Variants in FOXN3 observed in about 807,000 individuals in gnomAD.
The protein encoded by FOXN3 is forkhead box N3.
FOXN3 carries 7 observed loss-of-function variants against 38.4 expected under a neutral mutation model. That is an observed-to-expected ratio of 0.18 (90% CI 0.10 to 0.34). FOXN3 has a LOEUF of 0.34. Ranked by LOEUF, FOXN3 falls within the 10% of genes least tolerant of loss-of-function variation. The pLI, the probability that FOXN3 is intolerant of heterozygous loss-of-function variation, is 1.00. For missense variants in FOXN3, 456 were observed against 613.4 expected (o/e 0.74, Z 2.71); for synonymous variants, 230 against 242.2 (o/e 0.95, Z 0.47).
chr14:89,469,149 G>T lies in FOXN3; in HGVS notation c.-14-56659C>A, dbSNP rs192203186. 5.3e-5 allele frequency among the ~76,000 whole-genome samples: 8 copies of T among 152,280 alleles called. No homozygotes were observed. In the East Asian group the frequency reaches 1.5e-3, roughly 29 times the overall value. ...GCAGATGAGAGAAACTGAGACCCAG[G>T]GGTCCCCTAACTGGCTTCAAGTGTG... On this transcript the variant is annotated intron_variant, in intron 1 of 6. Coordinates refer to the FOXN3 transcript ENST00000345097.
At chr14:89,489,910 T>C (rs1003017965) in intron 1 of FOXN3, among the ~76,000 whole-genome samples, 1 of 152,216 alleles carries the variant, frequency 6.6e-6, no homozygotes, top group Non-Finnish European at 1.5e-5. Context: ...CTTGCTCCTA[T>C]GTCAGCTTGG....
At chr14:89,577,482 T>TA (rs1895658217) in intron 1 of FOXN3, 1 of 152,026 alleles carries the variant, frequency 6.6e-6, no homozygotes, top group Non-Finnish European at 1.5e-5. Context: ...CATAAAGGAA[T>TA]AAAAAACCTG....
At chr14:89,489,433 T>G (rs915137651) in intron 1 of FOXN3, among the ~76,000 whole-genome samples, 1 of 152,244 alleles carries the variant, frequency 6.6e-6, no homozygotes, top group Non-Finnish European at 1.5e-5. Context: ...TTTTAAATAT[T>G]TGCAGATACA....
At chr14:89,546,235 T>C (rs1437128367) in intron 1 of FOXN3, among the ~76,000 whole-genome samples, 1 of 152,038 alleles carries the variant, frequency 6.6e-6, no homozygotes, top group Non-Finnish European at 1.5e-5. Context: ...TAGTAAATGG[T>C]TGTTTTACAG....
intron 4 of FOXN3, among the ~76,000 whole-genome samples, chr14:89,191,472 T>A (rs1887940054): frequency 6.6e-6 from 1 of 152,214 alleles, no homozygotes; most frequent in South Asian, 2.1e-4. Context: ...TTACTGCCTC[T>A]GTGTCCGCCA....
At chr14:89,506,512 G>GC (rs1419556379) in intron 1 of FOXN3, among the ~76,000 whole-genome samples, 4 of 148,906 alleles carry the variant, frequency 2.7e-5, no homozygotes, top group African/African-American at 7.5e-5. Context: ...GGGGGGGTCA[G>GC]CCCCCCGCCT....
intron 1 of FOXN3, among the ~76,000 whole-genome samples, chr14:89,468,228 C>T (rs1036349074): frequency 1.3e-5 from 2 of 151,984 alleles, no homozygotes; most frequent in South Asian, 4.2e-4. Flanking sequence ...CTGGGGCGGG[C>T]GGATCACCTG....
chr14:89,158,248 C>A lies in FOXN3; in HGVS notation c.*4166G>T, dbSNP rs1291884975. 1 of 152,292 alleles carries A rather than the reference C, an allele frequency of 6.6e-6. No homozygotes were observed. Among genetic ancestry groups the A allele is most frequent in the Non-Finnish European group, 1.5e-5 (1 of 68,098 alleles). 9.4% of individuals were successfully genotyped at this position (152,292 alleles called of 1,614,324 possible). A position where few individuals can be genotyped will look rare whatever the true frequency, so the allele number is the denominator to read the frequency against. On this transcript the variant is annotated 3_prime_UTR_variant, in exon 6 of 6. Transcript: ENST00000557258. ...AGAACTCTGAGCTGGGCACAGAAGG[C>A]CTCCACCTGGTTCTCACTCTACAGA...
chr14:89,335,077 T>TCTCACACACA (rs1404371582), intron 3 of FOXN3, among the ~76,000 whole-genome samples: 23 of 139,438 alleles, frequency 1.6e-4, no homozygotes, highest in African/African-American at 5.5e-4. Flanking sequence ...TATTTTCATA[T>TCTCACACACA]CACACACACA....
chr14:89,228,247 T>G (rs746450114), intron 4 of FOXN3, among the ~76,000 whole-genome samples: 29 of 152,352 alleles, frequency 1.9e-4, no homozygotes, highest in Non-Finnish European at 2.2e-4. Context: ...GATCTCTCAT[T>G]AGCAAAGCTC....
At chr14:89,431,463 G>A (rs944657884) in intron 1 of FOXN3, among the ~76,000 whole-genome samples, 5 of 151,962 alleles carry the variant, frequency 3.3e-5, no homozygotes, top group South Asian at 2.1e-4. Flanking sequence ...CACCCGCCTC[G>A]GCCTCCCAAA....
rs59949946 is a variant in FOXN3 at position 89,312,284 on chromosome 14, C to CAAAAAAA, written c.681-31277_681-31271dup. Among the ~76,000 whole-genome samples, 24 of 60,596 alleles carry CAAAAAAA rather than the reference C, an allele frequency of 4.0e-4. 1 individual carries two copies. The highest frequency in any genetic ancestry group is 8.3e-4 in the African/African-American group (10 of 12,082). The allele number at this position is 60,596 out of a possible 152,430, so 39.8% of individuals were successfully genotyped here. A position where few individuals can be genotyped will look rare whatever the true frequency, so the allele number is the denominator to read the frequency against. On this transcript the variant is annotated intron_variant, in intron 3 of 5. Transcript: ENST00000557258. ...TGGGTGACAGAGCAAGACTCGGTCT[C>CAAAAAAA]AAAAAAAAAAAAAAAAAGAAGCCAA...
At chr14:89,561,473 A>G (rs1456373376) in intron 1 of FOXN3, among the ~76,000 whole-genome samples, 1 of 152,228 alleles carries the variant, frequency 6.6e-6, no homozygotes, top group South Asian at 2.1e-4. Flanking sequence ...TGGCCTCCCA[A>G]AGTGCTGGGA....
intron 1 of FOXN3, among the ~76,000 whole-genome samples, chr14:89,566,687 G>A (rs1895358364): frequency 6.6e-6 from 1 of 152,170 alleles, no homozygotes; most frequent in South Asian, 2.1e-4. Flanking sequence ...ATTCACATTT[G>A]TGTGTCATAG....
chr14:89,511,198 CTTTCTTTT>C, intron 1 of FOXN3, among the ~76,000 whole-genome samples: 1 of 16,450 alleles, frequency 6.1e-5, no homozygotes, highest in Non-Finnish European at 3.1e-4. Flanking sequence ...TCTTTTCTTT[CTTTCTTTT>C]CTTTCTTTCT....
At chr14:89,476,820 A>G (rs1893221306) in intron 1 of FOXN3, among the ~76,000 whole-genome samples, 1 of 152,160 alleles carries the variant, frequency 6.6e-6, no homozygotes, top group Non-Finnish European at 1.5e-5. Flanking sequence ...TTGCTGGTGT[A>G]TCTCTAACAC....
Position 89,163,067 on chromosome 14 carries a change from C to T in FOXN3, c.852-98G>A. On this transcript the variant is annotated intron_variant, in intron 5 of 5. Coordinates refer to ENST00000557258, the MANE Select transcript of FOXN3 (RefSeq NM_005197.4). The surrounding 1 kb of genome is among the most constrained non-coding windows in gnomAD (Gnocchi z 4.3). ...ACCCGGCAGCCCGCCTGCATTCAAC[C>T]ATCAGTCCCTTTGTGTTCAATGGAG... 8.6e-7 allele frequency: 1 copy of T among 1,164,978 alleles called. No homozygotes were observed. The highest frequency in any genetic ancestry group is 1.2e-6 in the Non-Finnish European group (1 of 857,396). 72.2% of individuals were successfully genotyped at this position (1,164,978 alleles called of 1,614,324 possible).
chr14:89,350,586 C>G, intron 3 of FOXN3, 86 bp downstream of exon 3: 1 of 1,152,924 alleles, frequency 8.7e-7, no homozygotes, highest in Non-Finnish European at 1.2e-6. Flanking sequence ...AAATCTCGTA[C>G]GGCCTATTAA....
Position 89,236,281 on chromosome 14 carries a change from C to T in FOXN3, c.745+44669G>A, listed in dbSNP as rs188679408. On this transcript the variant is annotated intron_variant, in intron 4 of 5. Transcript: ENST00000557258. Reference sequence around the variant, plus strand: ...CTGTAATCCCAGCACTTTGGGAGGCCGAGGCGGGTGGATCACGAGGTCAGG... The same window carrying T: ...CTGTAATCCCAGCACTTTGGGAGGCTGAGGCGGGTGGATCACGAGGTCAGG... Among the ~76,000 whole-genome samples, 422 of 152,218 alleles carry T rather than the reference C, an allele frequency of 2.8e-3. 2 individuals carry two copies. Among genetic ancestry groups the T allele is most frequent in the African/African-American group, 9.8e-3 (409 of 41,542 alleles).
Sources: gnomAD v4.1 joint callset for allele counts (sites outside exome capture counted in the v4.1 genomes callset) on GRCh38, gnomAD v4.1.1 for gene constraint, Gnocchi (gnomAD v3.1) non-coding constraint, MANE v1.5 for transcripts, NCBI Gene and HGNC (gene_info 2026-07-23, HGNC 2026-07-21) for gene names.